MYOF: variants seen among roughly 807,000 people sequenced by gnomAD.
MYOF encodes fer-1-like 3, myoferlin.
A neutral mutation model predicts 284.2 loss-of-function variants in MYOF; 244 were observed. That is an observed-to-expected ratio of 0.86 (90% CI 0.77 to 0.95). MYOF has a LOEUF of 0.95. MYOF is among the 40% of genes least tolerant of loss of function. The pLI is 0.00. For synonymous variants in MYOF, 904 were observed against 919.7 expected, an observed-to-expected ratio of 0.98 and a Z score of 0.31; for missense variants, 2,496 against 2,560.6, an observed-to-expected ratio of 0.97 and a Z score of 0.54.
At chr10:93,359,733 G>C (rs1436609553) in intron 29 of MYOF, 100 bp downstream of exon 29, 5 of 1,507,240 alleles carry the variant, frequency 3.3e-6, no homozygotes. Flanking sequence ...TTAGGCTCTG[G>C]ATTTGCAAAT....
At position 93,389,114 on chromosome 10, in the gene MYOF, A is replaced by G; in HGVS notation, c.1497T>C (p.Phe499=). 2 of 1,614,188 alleles carry G rather than the reference A, an allele frequency of 1.2e-6. No individual in the cohort carries two copies. The highest frequency in any genetic ancestry group is 2.2e-5 in the South Asian group (2 of 91,078). ...GETEVGFVPT[F]GPCYLNLYGS... ...CATAAAGATTCAGGTAACAAGGTCC[A>G]AACGTTGGAACAAAGCCTACCTCTG... Residue 499 remains phenylalanine, a synonymous_variant, in exon 18 of 54, where the codon TTT becomes TTC. Coordinates refer to ENST00000359263, the MANE Select transcript of MYOF (RefSeq NM_013451.4).
At position 93,343,907 on chromosome 10, in the gene MYOF, G is replaced by A. The variant is rs750202274; in HGVS notation, c.4275C>T (p.Cys1425=). Residue 1425 remains cysteine, a synonymous_variant, in exon 38 of 54, where the codon TGC becomes TGT. Coordinates refer to ENST00000359263, the MANE Select transcript of MYOF (RefSeq NM_013451.4). Reference sequence around the variant, plus strand: ...CTTCCATTTCGATAACGATGTCCCGGCATGGTGGGGCAGACAGAAGGGAGG... The same window carrying A: ...CTTCCATTTCGATAACGATGTCCCGACATGGTGGGGCAGACAGAAGGGAGG... ...LKASLLSAPP[C]RDIVIEMEDT... is the part of the protein sequence containing the mutation. 3.1e-6 allele frequency: 5 copies of A among 1,614,122 alleles called. No homozygotes were observed. Among genetic ancestry groups the A allele is most frequent in the Non-Finnish European group, 4.2e-6 (5 of 1,180,000 alleles).
At chr10:93,474,972 C>A (rs933599310) in intron 1 of MYOF, among the ~76,000 whole-genome samples, 3 of 152,158 alleles carry the variant, frequency 2.0e-5, no homozygotes, top group Non-Finnish European at 2.9e-5. Context: ...TGGTCTTGAA[C>A]TCCTGACCTC....
At chr10:93,416,269 C>T (rs952693935) in intron 5 of MYOF, among the ~76,000 whole-genome samples, 3 of 152,278 alleles carry the variant, frequency 2.0e-5, no homozygotes, top group African/African-American at 7.2e-5. Flanking sequence ...CTGTAATCCC[C>T]ACTTTGGGAG....
intron 3 of MYOF, among the ~76,000 whole-genome samples, chr10:93,447,882 G>T (rs1379688148): frequency 6.6e-6 from 1 of 152,172 alleles, no homozygotes; most frequent in African/African-American, 2.4e-5. Context: ...TGGTCTCCCA[G>T]TATTGTTTTC....
intron 5 of MYOF, among the ~76,000 whole-genome samples, chr10:93,422,825 G>A (rs1848413184): frequency 6.6e-6 from 1 of 151,990 alleles, no homozygotes; most frequent in South Asian, 2.1e-4. Context: ...AACCCAGCAA[G>A]CAATGTTCTT....
At chr10:93,319,717 T>G (rs1469332292) in intron 49 of MYOF, among the ~76,000 whole-genome samples, 155 bp downstream of exon 49, 2 of 152,096 alleles carry the variant, frequency 1.3e-5, no homozygotes, top group African/African-American at 4.8e-5. Context: ...AGTGTGACCT[T>G]GGACAAGTGT....
intron 26 of MYOF, among the ~76,000 whole-genome samples, chr10:93,364,912 CAAA>C (rs1845258085): frequency 6.6e-6 from 1 of 152,164 alleles, no homozygotes. Context: ...CTCTGGGCCT[CAAA>C]GAAGGAGAAT....
Position 93,328,736 on chromosome 10 carries a change from G to A in MYOF, c.5131+27C>T, listed in dbSNP as rs775076479. On this transcript the variant is annotated intron_variant, in intron 45 of 53. Coordinates refer to ENST00000359263, the MANE Select transcript of MYOF (RefSeq NM_013451.4). ...ATATGGGTTACTATACTTTGTACCA[G>A]TTTACAATCCACAGCTAGGTGCTCA... is the stretch of plus-strand genomic sequence containing the variant. The A allele has an allele frequency of 2.5e-6, 4 of 1,598,776 alleles. No individual in the cohort carries two copies. In the Admixed American group the frequency reaches 5.0e-5, roughly 20 times the overall value.
At chr10:93,457,756 C>T (rs1489660998) in intron 1 of MYOF, among the ~76,000 whole-genome samples, 1 of 142,798 alleles carries the variant, frequency 7.0e-6, no homozygotes, top group African/African-American at 2.6e-5. Context: ...TTTTTTGAGA[C>T]AGGGTCTCGC....
chr10:93,421,767 G>C (rs1848366942), intron 5 of MYOF, among the ~76,000 whole-genome samples: 2 of 152,124 alleles, frequency 1.3e-5, no homozygotes, highest in South Asian at 4.1e-4. Flanking sequence ...CTGGCACCAT[G>C]CTTCTTGTAC....
intron 43 of MYOF, among the ~76,000 whole-genome samples, chr10:93,330,932 T>C (rs1843269040): frequency 6.6e-6 from 1 of 152,114 alleles, no homozygotes. Context: ...ACATTTCCAA[T>C]CCCAACTTCC....
In MYOF at chr10:93,379,308, C is replaced by T. The variant is rs979891135; in HGVS notation, c.2001+555G>A. Among the ~76,000 whole-genome samples, 5 of 152,148 alleles carry T rather than the reference C, an allele frequency of 3.3e-5. 1 individual carries two copies. The highest frequency in any genetic ancestry group is 4.8e-5 in the African/African-American group (2 of 41,432). ...ATTGGAATGAACCATTCTCTCTACA[C>T]AAAAATTACGGCAGAAACTATGAGT... On this transcript the variant is annotated intron_variant, in intron 21 of 53. Coordinates refer to ENST00000359263, the MANE Select transcript of MYOF (RefSeq NM_013451.4).
chr10:93,307,197 C>A (rs955159664), intron 53 of MYOF, among the ~76,000 whole-genome samples, 196 bp from the exon 54 acceptor site: 17 of 51,630 alleles, frequency 3.3e-4, no homozygotes, highest in African/African-American at 8.3e-4. Context: ...CACCCCCCCG[C>A]CAAGTTGTTG....
chr10:93,392,049 T>TAA (rs1013847811), intron 17 of MYOF, among the ~76,000 whole-genome samples: 28 of 152,294 alleles, frequency 1.8e-4, no homozygotes, highest in African/African-American at 6.5e-4. Context: ...GTTAAACAAA[T>TAA]AAAGGAATAA....
chr10:93,394,448 C>CTTTTTTTTTTT (rs33970988), intron 16 of MYOF, among the ~76,000 whole-genome samples: 1,006 of 28,696 alleles, frequency 0.035, 363 homozygotes, highest in South Asian at 0.052. Flanking sequence ...ACCATCTTGT[C>CTTTTTTTTTTT]TTTTTTTTTT....
chr10:93,355,774 A>G, intron 30 of MYOF, 38 bp from the exon 31 acceptor site: 1 of 1,490,178 alleles, frequency 6.7e-7, no homozygotes, highest in Non-Finnish European at 9.3e-7. Context: ...CAGAGAAGTC[A>G]ATAAACACTG....
intron 23 of MYOF, among the ~76,000 whole-genome samples, 160 bp from the exon 24 acceptor site, chr10:93,373,245 C>G (rs10399978): frequency 0.018 from 2,814 of 152,236 alleles, 82 homozygotes; most frequent in African/African-American, 0.062. Flanking sequence ...TCTTCTAGGA[C>G]CGCACTGTGA....
At chr10:93,335,452 TGTGACGAGAAAG>T (rs1171475772) in intron 41 of MYOF, among the ~76,000 whole-genome samples, 1 of 151,858 alleles carries the variant, frequency 6.6e-6, no homozygotes, top group Non-Finnish European at 1.5e-5. Flanking sequence ...TGGAGAGGAG[TGTGACGAGAAAG>T]GTGACAAGGA....
Sources: allele counts gnomAD v4.1 joint callset (sites outside exome capture counted in the v4.1 genomes callset), GRCh38; gene constraint gnomAD v4.1.1; transcripts MANE v1.5; gene names NCBI Gene and HGNC (gene_info 2026-07-23, HGNC 2026-07-21).